Variants in CBL observed in about 807,000 individuals in gnomAD.
CBL encodes Cbl proto-oncogene.
Under a neutral mutation model 96.9 loss-of-function variants are expected in CBL, and 45 were observed. The observed-to-expected ratio is 0.46, with a 90% CI of 0.37 to 0.60. CBL has a LOEUF of 0.60. Ranked by LOEUF, CBL falls within the 20% of genes least tolerant of loss-of-function variation. The pLI, the probability that CBL is intolerant of heterozygous loss-of-function variation, is 0.00. For missense variants in CBL, 1,024 were observed against 1,143.5 expected (o/e 0.90, Z 1.51); for synonymous variants, 420 against 426.8 (o/e 0.98, Z 0.20).
intron 9 of CBL, among the ~76,000 whole-genome samples, chr11:119,280,636 C>G (rs1425580764): frequency 1.3e-5 from 2 of 152,060 alleles, no homozygotes; most frequent in Non-Finnish European, 2.9e-5. Context: ...AAAAAACTTA[C>G]AAAAACATTG....
chr11:119,210,464 C>T (rs1015897490), intron 1 of CBL, among the ~76,000 whole-genome samples: 1 of 152,018 alleles, frequency 6.6e-6, no homozygotes, highest in Non-Finnish European at 1.5e-5. Context: ...TTTATTTGCT[C>T]TGTCACCCAG....
At chr11:119,265,016 A>G (rs747378770) in intron 2 of CBL, among the ~76,000 whole-genome samples, 3 of 151,928 alleles carry the variant, frequency 2.0e-5, no homozygotes, top group African/African-American at 7.3e-5. Context: ...AGCTGGGACT[A>G]CAGCTGTGCA....
chr11:119,286,091 G>C (rs1474135574), intron 11 of CBL, among the ~76,000 whole-genome samples: 1 of 152,114 alleles, frequency 6.6e-6, no homozygotes, highest in Non-Finnish European at 1.5e-5. Context: ...CTGAGGTCAG[G>C]AGTTTGAGAC....
intron 9 of CBL, among the ~76,000 whole-genome samples, chr11:119,281,673 A>G (rs1187707661): frequency 2.6e-5 from 4 of 150,984 alleles, no homozygotes; most frequent in African/African-American, 9.8e-5. Flanking sequence ...TTTTTTTTGT[A>G]TTTTTAGTAG....
chr11:119,282,292 C>T (rs1232187886), intron 9 of CBL, among the ~76,000 whole-genome samples: 3 of 150,650 alleles, frequency 2.0e-5, no homozygotes, highest in African/African-American at 4.9e-5. Context: ...GAGCTGAGAT[C>T]GCACTATTTC....
intron 13 of CBL, 63 bp from the exon 14 acceptor site, chr11:119,297,321 C>T: frequency 2.3e-6 from 3 of 1,285,648 alleles, no homozygotes; most frequent in African/African-American, 1.5e-5. Context: ...GATGAATCTT[C>T]ATAAGTTTAT....
intron 14 of CBL, 43 bp from the exon 15 acceptor site, chr11:119,298,315 T>C (rs1034592792): frequency 1.9e-6 from 3 of 1,552,930 alleles, no homozygotes; most frequent in Non-Finnish European, 2.7e-6. Flanking sequence ...TATTAGAAGA[T>C]GAAGTGCGTC....
chr11:119,290,874 C>T (rs1022928854), intron 12 of CBL, among the ~76,000 whole-genome samples: 4 of 151,672 alleles, frequency 2.6e-5, no homozygotes, highest in African/African-American at 9.7e-5. Context: ...AACAGGGTTT[C>T]ACCATGTTGG....
intron 12 of CBL, among the ~76,000 whole-genome samples, chr11:119,296,218 C>T (rs1591269363): frequency 6.6e-6 from 1 of 152,290 alleles, no homozygotes; most frequent in South Asian, 2.1e-4. Flanking sequence ...GGAGGAGAAA[C>T]ACAAATTCAC....
chr11:119,275,639 A>G (rs899618755), intron 5 of CBL, among the ~76,000 whole-genome samples: 15 of 152,146 alleles, frequency 9.9e-5, no homozygotes, highest in African/African-American at 3.6e-4. Flanking sequence ...CAAGGTGGGC[A>G]GATACTTGAG....
chr11:119,235,905 A>T (rs900733534), intron 2 of CBL, among the ~76,000 whole-genome samples: 9 of 151,912 alleles, frequency 5.9e-5, no homozygotes, highest in Admixed American at 5.2e-4. Context: ...GAGTAAACAG[A>T]TTTCAAGTGA....
rs567448845 is a variant in CBL at position 119,212,968 on chromosome 11, G to A, written c.195+6356G>A. 5.1e-4 allele frequency among the ~76,000 whole-genome samples: 56 copies of A among 109,664 alleles called. 1 individual carries two copies. The highest frequency in any genetic ancestry group is 1.5e-3 in the South Asian group (4 of 2,738). The allele number at this position is 109,664 out of a possible 152,430, so 71.9% of individuals were successfully genotyped here. A position where few individuals can be genotyped will look rare whatever the true frequency, so the allele number is the denominator to read the frequency against. On this transcript the variant is annotated intron_variant, in intron 1 of 15. Transcript: ENST00000264033. Reference sequence around the variant, plus strand: ...AGCCTGGGTGACAGAGCAAAACTCCGTCTCAAAAAAAAAGAAAAAAAAAAA... The same window carrying A: ...AGCCTGGGTGACAGAGCAAAACTCCATCTCAAAAAAAAAGAAAAAAAAAAA...
intron 12 of CBL, among the ~76,000 whole-genome samples, chr11:119,295,652 G>A (rs1026440877): frequency 5.9e-5 from 9 of 152,084 alleles, no homozygotes; most frequent in East Asian, 1.9e-4. Flanking sequence ...ACTTGAGCCC[G>A]GGAGATCAAG....
At chr11:119,289,412 A>G (rs1591266229) in intron 12 of CBL, 2 of 152,134 alleles carry the variant, frequency 1.3e-5, no homozygotes, top group Non-Finnish European at 2.9e-5. Context: ...AGTTTTTATT[A>G]TAACCAAATA....
rs71048052 is a variant in CBL, at chr11:119,242,537, C to CAAA, written c.443+9859_443+9861dup. ...TGAGTGACAGAGTGAGACTCCATCT[C>CAAA]AAAAAAAAAAAAAAAAAAAGACCAG... On this transcript the variant is annotated intron_variant, in intron 2 of 15. Transcript: ENST00000264033. Among the ~76,000 whole-genome samples the CAAA allele has an allele frequency of 3.6e-3, 278 of 76,274 alleles. 13 individuals are homozygous for CAAA. The highest frequency in any genetic ancestry group is 5.8e-3 in the East Asian group (16 of 2,748). 50.0% of individuals were successfully genotyped at this position (76,274 alleles called of 152,430 possible).
intron 1 of CBL, among the ~76,000 whole-genome samples, chr11:119,207,013 GTGATGTA>G (rs1949275312): frequency 1.3e-5 from 2 of 152,088 alleles, no homozygotes; most frequent in African/African-American, 4.8e-5. Flanking sequence ...GTGAGGAAGA[GTGATGTA>G]CCGGCTGGGG....
chr11:119,255,111 CCTT>C (rs1242513777), intron 2 of CBL, among the ~76,000 whole-genome samples: 2 of 152,086 alleles, frequency 1.3e-5, no homozygotes, highest in Non-Finnish European at 2.9e-5. Flanking sequence ...CTTCCCCTAA[CCTT>C]CTTTATGGGA....
chr11:119,297,059 G>A (rs764686922), intron 13 of CBL, 25 bp downstream of exon 13: 1 of 1,228,468 alleles, frequency 8.1e-7, no homozygotes, highest in South Asian at 1.2e-5. Context: ...ACCCTTTTTG[G>A]GCCCTATACC....
At chr11:119,259,890 A>G (rs1949740442) in intron 2 of CBL, among the ~76,000 whole-genome samples, 2 of 152,136 alleles carry the variant, frequency 1.3e-5, no homozygotes, top group African/African-American at 2.4e-5. Flanking sequence ...GTTCTTTTGT[A>G]TCCTTCCGAT....
Sources: allele counts gnomAD v4.1 joint callset (sites outside exome capture counted in the v4.1 genomes callset), GRCh38; gene constraint gnomAD v4.1.1; transcripts MANE v1.5; gene names NCBI Gene and HGNC (gene_info 2026-07-23, HGNC 2026-07-21).